RERE: variants seen among roughly 807,000 people sequenced by gnomAD.
RERE encodes the protein arginine-glutamic acid dipeptide repeats, also known as arginine-glutamic acid dipeptide repeats protein.
RERE carries 40 observed loss-of-function variants against 146.1 expected under a neutral mutation model. The ratio of observed to expected loss-of-function variants is 0.27; its 90% CI spans 0.21 to 0.36. RERE has a LOEUF of 0.36. Ranked by LOEUF, RERE falls within the 10% of genes least tolerant of loss-of-function variation. The pLI is 1.00. For missense variants in RERE, 1,933 were observed against 2,138.7 expected (o/e 0.90, Z 1.90); for synonymous variants, 1,003 against 866.0 (o/e 1.16, Z -2.78).
At chr1:8,707,470 A>G (rs11121221) in intron 1 of RERE, among the ~76,000 whole-genome samples, 35,850 of 152,038 alleles carry the variant, frequency 0.24, 4,323 homozygotes, top group Middle Eastern at 0.28. Context: ...AAGAATCATA[A>G]CCATATCTTC....
At chr1:8,669,024 C>CTGTGTGTGTGTGTGTGTGTGTGTGTGTG (rs59647434) in intron 1 of RERE, among the ~76,000 whole-genome samples, 3 of 43,816 alleles carry the variant, frequency 6.8e-5, no homozygotes, top group African/African-American at 8.9e-5. Flanking sequence ...GCACTCAACT[C>CTGTGTGTGTGTGTGTGTGTGTGTGTGTG]TGTGTGTGTG....
At chr1:8,492,097 T>C (rs1447582643) in intron 10 of RERE, among the ~76,000 whole-genome samples, 1 of 152,212 alleles carries the variant, frequency 6.6e-6, no homozygotes, top group East Asian at 1.9e-4. Flanking sequence ...CACATAACTT[T>C]TCAATTCATC....
At chr1:8,484,428 C>CA (rs1644872662) in intron 10 of RERE, among the ~76,000 whole-genome samples, 1 of 143,296 alleles carries the variant, frequency 7.0e-6, no homozygotes, top group African/African-American at 2.5e-5. Flanking sequence ...ACAAATAAAA[C>CA]TTTTTTTTTT....
intron 10 of RERE, among the ~76,000 whole-genome samples, chr1:8,483,118 C>G (rs1342871178): frequency 6.6e-6 from 1 of 152,192 alleles, no homozygotes; most frequent in Admixed American, 6.5e-5. Flanking sequence ...AATAAGAAAT[C>G]ATAGAGCCTA....
At chr1:8,445,737 T>C (rs535535148) in intron 11 of RERE, among the ~76,000 whole-genome samples, 5 of 152,008 alleles carry the variant, frequency 3.3e-5, no homozygotes, top group African/African-American at 4.8e-5. Flanking sequence ...GTTTGTTACA[T>C]AGTTTACACG....
intron 1 of RERE, among the ~76,000 whole-genome samples, chr1:8,688,265 A>G (rs372271084): frequency 3.9e-5 from 6 of 152,142 alleles, no homozygotes; most frequent in African/African-American, 1.4e-4. Flanking sequence ...TGAGACCCCT[A>G]TCTCTACAAA....
chr1:8,366,916 C>CAAAAAAAAAAAAAAAAA (rs5772317), intron 12 of RERE, among the ~76,000 whole-genome samples: 1 of 107,684 alleles, frequency 9.3e-6, no homozygotes. Context: ...AAAAAAAAAA[C>CAAAAAAAAAAAAAAAAA]AAAAAAAAAA....
chr1:8,678,058 C>T (rs1039763227), intron 1 of RERE, among the ~76,000 whole-genome samples: 2 of 152,184 alleles, frequency 1.3e-5, no homozygotes, highest in African/African-American at 2.4e-5. Flanking sequence ...TGCAGCCCTC[C>T]GGAAGCCTGG....
At chr1:8,780,090 G>A (rs916933023) in intron 1 of RERE, among the ~76,000 whole-genome samples, 22 of 152,070 alleles carry the variant, frequency 1.4e-4, no homozygotes, top group African/African-American at 4.8e-4. Flanking sequence ...TACTCAGGTG[G>A]CAAGATTCTG....
Position 8,461,213 on chromosome 1 carries a change from GT to G in RERE, c.1203+4711del, listed in dbSNP as rs577080100. 9.3e-4 allele frequency among the ~76,000 whole-genome samples: 134 copies of G among 144,776 alleles called. No homozygotes were observed. The Middle Eastern group carries it at 0.011, about 12-fold the overall frequency. 95.0% of individuals were successfully genotyped at this position (144,776 alleles called of 152,430 possible). A position where few individuals can be genotyped will look rare whatever the true frequency, so the allele number is the denominator to read the frequency against. ...ATAATCTAAGATTTGTTTTGTTTGG[GT>G]TTTTTTTTTTAATGTTTTAATCTCT... On this transcript the variant is annotated intron_variant, in intron 11 of 22. Coordinates refer to ENST00000400908, the MANE Select transcript of RERE (RefSeq NM_001042681.2).
intron 4 of RERE, among the ~76,000 whole-genome samples, chr1:8,593,985 T>C (rs1646525464): frequency 6.6e-6 from 1 of 152,158 alleles, no homozygotes; most frequent in Non-Finnish European, 1.5e-5. Context: ...TCATTTTATA[T>C]GAGAACATAG....
chr1:8,733,332 G>A (rs1178794882), intron 1 of RERE, among the ~76,000 whole-genome samples: 4 of 152,132 alleles, frequency 2.6e-5, no homozygotes, highest in African/African-American at 7.2e-5. Flanking sequence ...GCTCCTTTTA[G>A]TTCTAAATTT....
At chr1:8,730,303 A>C (rs1345632631) in intron 1 of RERE, among the ~76,000 whole-genome samples, 3 of 152,192 alleles carry the variant, frequency 2.0e-5, no homozygotes, top group African/African-American at 7.2e-5. Flanking sequence ...CCTGTAACTT[A>C]GAAAAGTAAT....
At chr1:8,448,864 CAA>C (rs200550198) in intron 11 of RERE, among the ~76,000 whole-genome samples, 1 of 137,162 alleles carries the variant, frequency 7.3e-6, no homozygotes. Context: ...AATAAACAAA[CAA>C]AAAAAAAAAA....
intron 1 of RERE, chr1:8,750,300 G>A (rs532940343): frequency 2.5e-5 from 14 of 558,840 alleles, no homozygotes; most frequent in Admixed American, 1.6e-4. Context: ...TCAAGGTAAC[G>A]GAAGATGAGG....
At chr1:8,647,424 G>A (rs1171160416) in intron 2 of RERE, among the ~76,000 whole-genome samples, 1 of 151,472 alleles carries the variant, frequency 6.6e-6, no homozygotes, top group African/African-American at 2.4e-5. Flanking sequence ...GTCACATGTC[G>A]GAAAAAAAAC....
Position 8,508,656 on chromosome 1 carries a change from C to T in RERE, c.850G>A (p.Gly284Arg). ...PETRRLNSTQ[G>R]EIRVGPSHQA... The stretch of plus-strand genomic sequence containing the variant: ...TGACTAGGACCGACACGAATCTCCC[C>T]CTGGGTACTGTTCAGCCTCCTGGAA... The change falls in exon 8 of 23, where the codon GGG (glycine) becomes AGG (arginine). Residue 284 changes from glycine to arginine, a missense_variant. Around this residue, in one of 11 missense-constraint regions of RERE, gnomAD observed 260 missense variants for 378.4 expected, o/e 0.69. Coordinates refer to ENST00000400908, the MANE Select transcript of RERE (RefSeq NM_001042681.2). The T allele has an allele frequency of 6.2e-7, 1 of 1,613,484 alleles. No homozygotes were observed. The highest frequency in any genetic ancestry group is 8.5e-7 in the Non-Finnish European group (1 of 1,179,482).
intron 4 of RERE, among the ~76,000 whole-genome samples, chr1:8,563,745 T>C (rs1429924811): frequency 1.3e-5 from 2 of 152,218 alleles, no homozygotes; most frequent in African/African-American, 2.4e-5. Context: ...TATAAGCCAA[T>C]ATAGCCAACC....
chr1:8,470,691 C>T (rs1263044365), intron 10 of RERE, among the ~76,000 whole-genome samples: 1 of 152,100 alleles, frequency 6.6e-6, no homozygotes, highest in Non-Finnish European at 1.5e-5. Flanking sequence ...GGACTCTTTC[C>T]TCCTTAGGGA....
Sources: gnomAD v4.1 joint callset for allele counts (sites outside exome capture counted in the v4.1 genomes callset) on GRCh38, gnomAD v4.1.1 for gene constraint, gnomAD v4.1.1 regional missense constraint, MANE v1.5 for transcripts, NCBI Gene and HGNC (gene_info 2026-07-23, HGNC 2026-07-21) for gene names.